The following GRM1 variants were observed in gnomAD, a reference collection of about 807,000 sequenced individuals.
GRM1 encodes glutamate metabotropic receptor 1, also known as metabotropic glutamate receptor 1.
In GRM1, 33 loss-of-function variants were observed where a neutral mutation model predicts 90.9. That is an observed-to-expected ratio of 0.36 (90% confidence interval 0.28 to 0.49). The LOEUF (loss-of-function observed/expected upper bound fraction) is 0.49. Among genes scored for constraint, GRM1 ranks in the 20% least tolerant of loss-of-function variants. The probability of loss-of-function intolerance (pLI) is 0.99; values close to 1 mark genes in which losing one functional copy is unlikely to be tolerated. For missense variants in GRM1, 1,190 were observed against 1,534.3 expected, an observed-to-expected ratio of 0.78 and a Z score of 3.75; for synonymous variants, 700 against 613.2, an observed-to-expected ratio of 1.14 and a Z score of -2.09.
chr6:146,077,235 A>C (rs1261296021), intron 1 of GRM1, among the ~76,000 whole-genome samples: 2 of 152,308 alleles, frequency 1.3e-5, no homozygotes, highest in African/African-American at 4.8e-5. Context: ...TTCTGGTTCA[A>C]ATACAAACAT....
intron 3 of GRM1, among the ~76,000 whole-genome samples, chr6:146,341,586 C>T (rs769127256): frequency 1.3e-5 from 2 of 152,130 alleles, no homozygotes; most frequent in Non-Finnish European, 2.9e-5. Flanking sequence ...AGGACTGAAT[C>T]CCACGATGAA....
chr6:146,272,011 C>T (rs1316024553), intron 2 of GRM1, among the ~76,000 whole-genome samples: 8 of 152,302 alleles, frequency 5.3e-5, no homozygotes, highest in Non-Finnish European at 7.4e-5. Flanking sequence ...TAATCCTCCA[C>T]GTTCCTGCAT....
chr6:146,261,896 T>C (rs1454927128), intron 2 of GRM1, among the ~76,000 whole-genome samples: 2 of 152,032 alleles, frequency 1.3e-5, no homozygotes, highest in East Asian at 3.9e-4. Flanking sequence ...AGTCATTTTC[T>C]CAAGAGAGGA....
chr6:146,075,477 A>C (rs1218827746), intron 1 of GRM1, among the ~76,000 whole-genome samples: 2 of 152,234 alleles, frequency 1.3e-5, no homozygotes, highest in Admixed American at 6.5e-5. Context: ...ACTACAGAGC[A>C]GGGTGAGGAT....
At chr6:146,293,547 T>C (rs980747187) in intron 2 of GRM1, among the ~76,000 whole-genome samples, 4 of 152,172 alleles carry the variant, frequency 2.6e-5, no homozygotes, top group Admixed American at 2.6e-4. Context: ...GTGAGTGATA[T>C]TGGCATATAT....
intron 1 of GRM1, among the ~76,000 whole-genome samples, chr6:146,035,360 A>G (rs1159276468): frequency 2.0e-5 from 3 of 151,972 alleles, no homozygotes; most frequent in Non-Finnish European, 4.4e-5. Flanking sequence ...AAGAGAACAT[A>G]TATTATTGGC....
chr6:146,339,344 A>G (rs897950381), intron 3 of GRM1, among the ~76,000 whole-genome samples: 17 of 152,202 alleles, frequency 1.1e-4, no homozygotes, highest in African/African-American at 4.1e-4. Context: ...GGACTTGAAG[A>G]ACATCTCATA....
intron 2 of GRM1, among the ~76,000 whole-genome samples, chr6:146,217,493 C>G (rs898835267): frequency 6.6e-6 from 1 of 152,174 alleles, no homozygotes; most frequent in African/African-American, 2.4e-5. Context: ...CAACTAATAA[C>G]AACACAGCCT....
chr6:146,240,226 C>T (rs914697139), intron 2 of GRM1, among the ~76,000 whole-genome samples: 1 of 151,994 alleles, frequency 6.6e-6, no homozygotes, highest in African/African-American at 2.4e-5. Context: ...ATACCTCTGG[C>T]TCCGACGTTT....
At chr6:146,288,158 A>C (rs1583278169) in intron 2 of GRM1, among the ~76,000 whole-genome samples, 1 of 152,276 alleles carries the variant, frequency 6.6e-6, no homozygotes, top group East Asian at 1.9e-4. Flanking sequence ...GTTAGTGAAA[A>C]CATGGCTGTT....
At chr6:146,064,084 T>C (rs902289730) in intron 1 of GRM1, among the ~76,000 whole-genome samples, 1 of 152,200 alleles carries the variant, frequency 6.6e-6, no homozygotes, top group South Asian at 2.1e-4. Context: ...TAAATTAGCA[T>C]GTTAGTTTGC....
At chr6:146,432,154 T>G (rs1398382779) in intron 7 of GRM1, among the ~76,000 whole-genome samples, 1 of 152,220 alleles carries the variant, frequency 6.6e-6, no homozygotes, top group Non-Finnish European at 1.5e-5. Flanking sequence ...AGGCATATAT[T>G]TGAAAGAAAT....
At chr6:146,040,513 G>A (rs770010873) in intron 1 of GRM1, among the ~76,000 whole-genome samples, 1 of 151,874 alleles carries the variant, frequency 6.6e-6, no homozygotes, top group Non-Finnish European at 1.5e-5. Context: ...TCTTTTTTAT[G>A]TTTGAAAGTT....
intron 2 of GRM1, among the ~76,000 whole-genome samples, chr6:146,257,078 T>G (rs571761527): frequency 3.3e-5 from 5 of 152,300 alleles, no homozygotes; most frequent in Non-Finnish European, 5.9e-5. Context: ...TTCTGGAACT[T>G]AAGTCCATCT....
intron 1 of GRM1, among the ~76,000 whole-genome samples, chr6:146,090,719 G>A (rs537652581): frequency 2.0e-5 from 3 of 152,134 alleles, no homozygotes; most frequent in East Asian, 1.9e-4. Flanking sequence ...ACACAGTGAC[G>A]ATAAAAGCCA....
intron 1 of GRM1, among the ~76,000 whole-genome samples, chr6:146,138,493 A>T (rs377740845): frequency 6.6e-6 from 1 of 152,156 alleles, no homozygotes; most frequent in African/African-American, 2.4e-5. Context: ...TCAGCAGCAA[A>T]GCCATCAGCT....
At chr6:146,225,639 A>G (rs1291521852) in intron 2 of GRM1, among the ~76,000 whole-genome samples, 2 of 152,156 alleles carry the variant, frequency 1.3e-5, no homozygotes, top group African/African-American at 4.8e-5. Flanking sequence ...TATTTGGAAA[A>G]TAAATTACAT....
chr6:146,386,401 A>G (rs982944567), intron 5 of GRM1, among the ~76,000 whole-genome samples: 1 of 152,082 alleles, frequency 6.6e-6, no homozygotes, highest in African/African-American at 2.4e-5. Flanking sequence ...ATGTATATAT[A>G]GTTGCTCTTG....
intron 7 of GRM1, among the ~76,000 whole-genome samples, chr6:146,424,999 A>G (rs1394691700): frequency 6.6e-6 from 1 of 152,156 alleles, no homozygotes; most frequent in African/African-American, 2.4e-5. Flanking sequence ...GATAAGTTTG[A>G]TAGCAAACAG....
Sources: allele counts gnomAD v4.1 joint callset (sites outside exome capture counted in the v4.1 genomes callset), GRCh38; gene constraint gnomAD v4.1.1; transcripts MANE v1.5; gene names NCBI Gene and HGNC (gene_info 2026-07-23, HGNC 2026-07-21).